Variants in NCEH1 observed in about 807,000 individuals in gnomAD.
NCEH1 encodes 2-acetyl MAGE hydrolase.
In NCEH1, 9 loss-of-function variants were observed where a neutral mutation model predicts 25.4. The observed-to-expected ratio is 0.35, with a 90% CI of 0.21 to 0.62. The LOEUF (loss-of-function observed/expected upper bound fraction) is 0.62, where lower values mean the gene tolerates loss of function less well. Among genes scored for constraint, NCEH1 ranks in the 20% least tolerant of loss-of-function variants. NCEH1 has a pLI of 0.72. For synonymous variants in NCEH1, 200 were observed against 199.8 expected, an observed-to-expected ratio of 1.00 and a Z score of -0.01; for missense variants, 412 against 501.1, an observed-to-expected ratio of 0.82 and a Z score of 1.70.
At chr3:172,693,459 G>GAAAA (rs11462052) in intron 1 of NCEH1, among the ~76,000 whole-genome samples, 1 of 130,858 alleles carries the variant, frequency 7.6e-6, no homozygotes, top group Non-Finnish European at 1.6e-5. Context: ...GCCTGAATAT[G>GAAAA]AAAAAAAAAA....
intron 1 of NCEH1, among the ~76,000 whole-genome samples, chr3:172,678,649 G>T (rs1449648517): frequency 6.6e-6 from 1 of 151,874 alleles, no homozygotes; most frequent in African/African-American, 2.4e-5. Context: ...CAAGGAAAAG[G>T]GTCCATATTT....
chr3:172,666,324 A>C (rs1311778105), intron 1 of NCEH1, among the ~76,000 whole-genome samples: 1 of 152,190 alleles, frequency 6.6e-6, no homozygotes, highest in Non-Finnish European at 1.5e-5. Flanking sequence ...TTAAAGGGCT[A>C]AGGTGGGTGG....
rs919440136 is a variant in NCEH1, at chr3:172,631,398, A to T, written c.*2077T>A. 2.6e-5 allele frequency: 4 copies of T among 152,420 alleles called. No individual in the cohort carries two copies. The highest frequency in any genetic ancestry group is 5.9e-5 in the Non-Finnish European group (4 of 68,008). 9.4% of individuals were successfully genotyped at this position (152,420 alleles called of 1,614,324 possible). On this transcript the variant is annotated 3_prime_UTR_variant, in exon 5 of 5. Coordinates refer to ENST00000475381, the MANE Select transcript of NCEH1 (RefSeq NM_020792.6). ...AAAATCCCATTTTTTTTTTTTAGGA[A>T]AAAAAGACCTTCGATGATGCAGGTG... is the stretch of plus-strand genomic sequence containing the variant.
In NCEH1 at chr3:172,634,128, G is replaced by C. The variant is rs113507512; in HGVS notation, c.610-36C>G. On this transcript the variant is annotated intron_variant, in intron 4 of 4. Coordinates refer to ENST00000475381, the MANE Select transcript of NCEH1 (RefSeq NM_020792.6). ...GGAAGCAAATACATTATTTCATTTT[G>C]CATGCCTTCTTTTATAGGAACCATA... 7.1e-4 allele frequency: 1,122 copies of C among 1,581,708 alleles called. 7 individuals are homozygous for C. The African/African-American group carries it at 0.014, about 20-fold the overall frequency.
intron 1 of NCEH1, among the ~76,000 whole-genome samples, chr3:172,701,685 C>T (rs1713706031): frequency 6.9e-6 from 1 of 145,742 alleles, no homozygotes; most frequent in Admixed American, 7.0e-5. Context: ...AGGCTGGTCT[C>T]AAACTCGTGA....
At chr3:172,666,437 A>G (rs566518093) in intron 1 of NCEH1, among the ~76,000 whole-genome samples, 1 of 152,250 alleles carries the variant, frequency 6.6e-6, no homozygotes, top group South Asian at 2.1e-4. Flanking sequence ...CAATATAAGC[A>G]ACCACTTTTC....
chr3:172,682,375 C>T (rs1199394058), intron 1 of NCEH1, among the ~76,000 whole-genome samples: 1 of 152,156 alleles, frequency 6.6e-6, no homozygotes, highest in Non-Finnish European at 1.5e-5. Flanking sequence ...CTTCAATTGT[C>T]CTACACATCT....
At chr3:172,655,128 T>G (rs1717629408) in intron 1 of NCEH1, among the ~76,000 whole-genome samples, 1 of 152,200 alleles carries the variant, frequency 6.6e-6, no homozygotes, top group South Asian at 2.1e-4. Flanking sequence ...TAACAAAGTT[T>G]CCTGAAACCT....
At chr3:172,680,856 T>C (rs917316980) in intron 1 of NCEH1, 3 of 152,120 alleles carry the variant, frequency 2.0e-5, no homozygotes, top group African/African-American at 7.2e-5. Flanking sequence ...GCGCAAAGAA[T>C]GACTGACGCT....
chr3:172,676,701 C>T (rs1712026428), intron 1 of NCEH1, among the ~76,000 whole-genome samples: 1 of 152,160 alleles, frequency 6.6e-6, no homozygotes, highest in Non-Finnish European at 1.5e-5. Flanking sequence ...CTACTCCACA[C>T]GTGTCTGTGT....
intron 1 of NCEH1, among the ~76,000 whole-genome samples, chr3:172,660,098 C>G (rs2108505282): frequency 6.6e-6 from 1 of 151,934 alleles, no homozygotes; most frequent in East Asian, 1.9e-4. Context: ...TCGACATTTA[C>G]ATTAGGTGTT....
chr3:172,706,347 G>A (rs1215804980), intron 1 of NCEH1, among the ~76,000 whole-genome samples: 3 of 152,046 alleles, frequency 2.0e-5, no homozygotes, highest in African/African-American at 7.2e-5. Flanking sequence ...TATAAATAGT[G>A]TATGATCTAT....
At chr3:172,690,976 T>G (rs1468316773) in intron 1 of NCEH1, among the ~76,000 whole-genome samples, 2 of 152,152 alleles carry the variant, frequency 1.3e-5, no homozygotes, top group African/African-American at 4.8e-5. Flanking sequence ...TTAAAGCAGC[T>G]ATGACATCCA....
At position 172,710,663 on chromosome 3, in the gene NCEH1, C is replaced by T. The variant is rs1329616855; in HGVS notation, c.138+184G>A. ...CAGACGGGGAAATGCAGATCTAGCC[C>T]GCTGCTAGCAAGGAGGCGAATGCGA... On this transcript the variant is annotated intron_variant, in intron 1 of 4. Coordinates refer to ENST00000475381, the MANE Select transcript of NCEH1 (RefSeq NM_020792.6). Among the ~76,000 whole-genome samples the T allele has an allele frequency of 5.9e-5, 9 of 152,202 alleles. 1 individual carries two copies. Among genetic ancestry groups the T allele is most frequent in the Non-Finnish European group, 1.3e-4 (9 of 68,036 alleles).
Position 172,633,421 on chromosome 3 carries a change from A to G in NCEH1, c.*54T>C. ...TCAACTAAAAAGTGCATGTCTTTCCAAAGCAGGTGTAGGAGGTCAAGAGGG... is the reference window on the plus strand; with the variant it reads ...TCAACTAAAAAGTGCATGTCTTTCCGAAGCAGGTGTAGGAGGTCAAGAGGG... On this transcript the variant is annotated 3_prime_UTR_variant, in exon 5 of 5. Coordinates refer to ENST00000475381, the MANE Select transcript of NCEH1 (RefSeq NM_020792.6). 1.9e-6 allele frequency: 3 copies of G among 1,540,294 alleles called. No individual in the cohort carries two copies. The highest frequency in any genetic ancestry group is 1.8e-6 in the Non-Finnish European group (2 of 1,138,538).
At chr3:172,687,687 C>T (rs1187528737) in intron 1 of NCEH1, among the ~76,000 whole-genome samples, 2 of 152,176 alleles carry the variant, frequency 1.3e-5, no homozygotes, top group Non-Finnish European at 2.9e-5. Context: ...TTACATGACA[C>T]AGAGATGCTG....
At chr3:172,708,980 C>A (rs1714156389) in intron 1 of NCEH1, among the ~76,000 whole-genome samples, 1 of 152,170 alleles carries the variant, frequency 6.6e-6, no homozygotes, top group Non-Finnish European at 1.5e-5. Flanking sequence ...TGATATTTCA[C>A]AATTTAGAGG....
At chr3:172,708,458 C>T (rs185360145) in intron 1 of NCEH1, among the ~76,000 whole-genome samples, 2 of 152,284 alleles carry the variant, frequency 1.3e-5, no homozygotes, top group East Asian at 1.9e-4. Context: ...CAGGTTCAAG[C>T]GATTCTCCTG....
chr3:172,634,667 GGAATGT>G (rs1716525325), intron 4 of NCEH1, among the ~76,000 whole-genome samples: 1 of 152,084 alleles, frequency 6.6e-6, no homozygotes, highest in African/African-American at 2.4e-5. Context: ...AGTTGTCATG[GGAATGT>G]GAATGAATCC....
Sources: allele counts gnomAD v4.1 joint callset (sites outside exome capture counted in the v4.1 genomes callset), GRCh38; gene constraint gnomAD v4.1.1; transcripts MANE v1.5; gene names NCBI Gene and HGNC (gene_info 2026-07-23, HGNC 2026-07-21).